LMAN2L: variants seen among roughly 807,000 people sequenced by gnomAD.
LMAN2L encodes the protein VIP36-like protein.
LMAN2L carries 30 observed loss-of-function variants against 44.3 expected under a neutral mutation model. The ratio of observed to expected loss-of-function variants is 0.68; its 90% CI spans 0.51 to 0.92. LMAN2L has a LOEUF of 0.92. Among genes scored for constraint, LMAN2L ranks in the 40% least tolerant of loss-of-function variants. The pLI is 0.00. For synonymous variants in LMAN2L, 183 were observed against 171.1 expected, an observed-to-expected ratio of 1.07 and a Z score of -0.54; for missense variants, 429 against 446.1, an observed-to-expected ratio of 0.96 and a Z score of 0.35.
chr2:96,733,603 T>TAG lies in LMAN2L; in HGVS notation c.425-4_425-3dup. ...TGTCCATGTTTCCAAACACAGGCCC[T>TAG]AGAGAGAGAGAACAGATGATGAACA... On this transcript the variant is annotated splice_polypyrimidine_tract_variant and splice_region_variant and intron_variant, in intron 3 of 7. Transcript: ENST00000264963. 7 of 1,608,822 alleles carry TAG rather than the reference T, an allele frequency of 4.4e-6. No homozygotes were observed. Among genetic ancestry groups the TAG allele is most frequent in the Middle Eastern group, 1.7e-4 (1 of 6,054 alleles).
At position 96,722,968 on chromosome 2, in the gene LMAN2L, T is replaced by C. The variant is rs576533164; in HGVS notation, c.507+10551A>G. 6.6e-5 allele frequency among the ~76,000 whole-genome samples: 10 copies of C among 152,022 alleles called. No individual in the cohort carries two copies. In the South Asian group the frequency reaches 2.1e-3, roughly 32 times the overall value. ...CCAGGAGGCAGAGGTTGCAGTGAGC[T>C]GAGATCACGCCACTGCACTTCATAC... On this transcript the variant is annotated intron_variant, in intron 4 of 7. Transcript: ENST00000264963.
At chr2:96,718,199 A>C (rs1381349217) in intron 4 of LMAN2L, among the ~76,000 whole-genome samples, 1 of 152,062 alleles carries the variant, frequency 6.6e-6, no homozygotes, top group Non-Finnish European at 1.5e-5. Flanking sequence ...CAGGTGATCC[A>C]CCCGCCTTGG....
intron 4 of LMAN2L, among the ~76,000 whole-genome samples, chr2:96,731,214 C>T (rs2078389070): frequency 6.6e-6 from 1 of 152,196 alleles, no homozygotes; most frequent in African/African-American, 2.4e-5. Flanking sequence ...ATCTTGCTCA[C>T]TAATTCCCAG....
intron 6 of LMAN2L, among the ~76,000 whole-genome samples, chr2:96,711,289 G>A (rs925651880): frequency 6.6e-6 from 1 of 152,164 alleles, no homozygotes; most frequent in African/African-American, 2.4e-5. Context: ...AAGAGGGACG[G>A]CAAAGTCAAG....
intron 2 of LMAN2L, among the ~76,000 whole-genome samples, chr2:96,735,701 G>C (rs2078500010): frequency 6.6e-6 from 1 of 152,114 alleles, no homozygotes; most frequent in African/African-American, 2.4e-5. Flanking sequence ...TAGCCGGTGT[G>C]GTGGTGGGCG....
In LMAN2L at chr2:96,733,621, G is replaced by A. The variant is rs562541385; in HGVS notation, c.425-20C>T. ...CAGGCCCTAGAGAGAGAGAACAGAT[G>A]ATGAACAATGAAATAAAGCTAAGAG... is the stretch of plus-strand genomic sequence containing the variant. On this transcript the variant is annotated intron_variant, in intron 3 of 7. Transcript: ENST00000264963. The A allele has an allele frequency of 1.1e-5, 18 of 1,574,394 alleles. No homozygotes were observed. Among genetic ancestry groups the A allele is most frequent in the Non-Finnish European group, 1.4e-5 (16 of 1,144,404 alleles).
chr2:96,734,144 G>A, intron 3 of LMAN2L, among the ~76,000 whole-genome samples: 1 of 152,206 alleles, frequency 6.6e-6, no homozygotes, highest in South Asian at 2.1e-4. Context: ...GAGAGCCAGT[G>A]CTTTCATCCA....
rs1243132246 is a variant in LMAN2L at position 96,706,216 on chromosome 2, A to G, written c.*1040T>C. On this transcript the variant is annotated 3_prime_UTR_variant, in exon 8 of 8. Coordinates refer to ENST00000264963, the MANE Select transcript of LMAN2L (RefSeq NM_030805.4). The stretch of plus-strand genomic sequence containing the variant: ...TGAGAACAGCAACTGTCTCTTGTCC[A>G]TTAAGAAAAAAAAAGCCAAATTTCT... 1 of 152,326 alleles carries G rather than the reference A, an allele frequency of 6.6e-6. No homozygotes were observed. The highest frequency in any genetic ancestry group is 2.4e-5 in the African/African-American group (1 of 41,446). 9.4% of individuals were successfully genotyped at this position (152,326 alleles called of 1,614,324 possible). A position where few individuals can be genotyped will look rare whatever the true frequency, so the allele number is the denominator to read the frequency against.
At chr2:96,720,882 TG>T (rs1419238072) in intron 4 of LMAN2L, among the ~76,000 whole-genome samples, 1 of 152,092 alleles carries the variant, frequency 6.6e-6, no homozygotes, top group African/African-American at 2.4e-5. Context: ...GACGTTGCAG[TG>T]AGCCAAGATC....
intron 6 of LMAN2L, among the ~76,000 whole-genome samples, chr2:96,709,236 A>G (rs182310049): frequency 1.3e-5 from 2 of 152,174 alleles, no homozygotes; most frequent in African/African-American, 4.8e-5. Flanking sequence ...TTAGATTCTT[A>G]TTGATGCTCA....
intron 4 of LMAN2L, among the ~76,000 whole-genome samples, chr2:96,728,654 C>T (rs1419705224): frequency 6.6e-6 from 1 of 151,964 alleles, no homozygotes; most frequent in Admixed American, 6.6e-5. Flanking sequence ...ACCAGCCTGG[C>T]CAACGCAGTG....
Position 96,711,900 on chromosome 2 carries a change from G to A in LMAN2L, c.633C>T (p.Thr211=), listed in dbSNP as rs769870144. ...TCTTGACGTAGCGAATCACCAGGAA[G>A]GTGTCGTAATGAAGATTGCGGACAA... The part of the protein sequence containing the change: ...TAIVRNLHYD[T]FLVIRYVKRH... Residue 211 remains threonine (T), a synonymous_variant, in exon 5 of 8, where the codon ACC becomes ACT. Coordinates refer to ENST00000264963, the MANE Select transcript of LMAN2L (RefSeq NM_030805.4). 3.7e-6 allele frequency: 6 copies of A among 1,614,094 alleles called. No individual in the cohort carries two copies. The African/African-American group carries it at 6.7e-5, about 18-fold the overall frequency.
At chr2:96,731,323 TCTC>T (rs1455431328) in intron 4 of LMAN2L, among the ~76,000 whole-genome samples, 2 of 152,134 alleles carry the variant, frequency 1.3e-5, no homozygotes, top group Non-Finnish European at 2.9e-5. Flanking sequence ...AAAAGGTTAT[TCTC>T]CTAACTCAGG....
intron 6 of LMAN2L, among the ~76,000 whole-genome samples, chr2:96,710,011 T>C (rs867214238): frequency 6.6e-6 from 1 of 152,198 alleles, no homozygotes; most frequent in Admixed American, 6.5e-5. Context: ...TGAGATTATA[T>C]AGCAAAGATC....
chr2:96,707,284 T>G lies in LMAN2L; in HGVS notation c.1019A>C (p.Gln340Pro). The change falls in exon 8 of 8, where the codon CAG becomes CCG. Residue 340 changes from glutamine (Q) to proline (P), a missense_variant. Gln to Pro is a moderately conservative substitution (Grantham distance 76). Coordinates refer to ENST00000264963, the MANE Select transcript of LMAN2L (RefSeq NM_030805.4). Reference protein sequence around the residue: ...VIGIILYNKWQEQSRKRFY With the variant: ...VIGIILYNKWPEQSRKRFY ...GTAGAAGCGCTTTCGGCTCTGTTCC[T>G]GCCATTTGTTGTAGAGTATGATACC... The G allele has an allele frequency of 1.2e-6, 2 of 1,614,132 alleles. No individual in the cohort carries two copies. The highest frequency in any genetic ancestry group is 1.7e-6 in the Non-Finnish European group (2 of 1,179,992).
intron 4 of LMAN2L, among the ~76,000 whole-genome samples, chr2:96,720,347 A>C (rs1353745120): frequency 6.6e-6 from 1 of 152,208 alleles, no homozygotes; most frequent in Non-Finnish European, 1.5e-5. Context: ...CAACGGAAGC[A>C]CATTGTAGCT....
intron 6 of LMAN2L, among the ~76,000 whole-genome samples, chr2:96,708,899 GAAGTTA>G (rs2077846880): frequency 1.4e-5 from 2 of 146,562 alleles, no homozygotes; most frequent in Non-Finnish European, 3.0e-5. Flanking sequence ...GCAATGCACT[GAAGTTA>G]GACTTTTTTT....
chr2:96,713,142 G>C, intron 4 of LMAN2L: 1 of 1,551,156 alleles, frequency 6.4e-7, no homozygotes, highest in South Asian at 1.2e-5. Context: ...TTCTGGGCCT[G>C]AGAGGGTCCA....
At chr2:96,711,356 C>A (rs2077911875) in intron 6 of LMAN2L, among the ~76,000 whole-genome samples, 1 of 152,222 alleles carries the variant, frequency 6.6e-6, no homozygotes, top group Non-Finnish European at 1.5e-5. Context: ...AGGAGAGGAG[C>A]CTGACAGCAG....
Sources: gnomAD v4.1 joint callset for allele counts (sites outside exome capture counted in the v4.1 genomes callset) on GRCh38, gnomAD v4.1.1 for gene constraint, MANE v1.5 for transcripts, NCBI Gene and HGNC (gene_info 2026-07-23, HGNC 2026-07-21) for gene names.